The following CANX variants were observed in gnomAD, a reference collection of about 807,000 sequenced individuals.
The protein encoded by CANX is calnexin.
CANX carries 14 observed loss-of-function variants against 75.7 expected under a neutral mutation model. The ratio of observed to expected loss-of-function variants is 0.19; its 90% CI spans 0.12 to 0.29. The LOEUF is 0.29. Ranked by LOEUF, CANX falls within the 10% of genes least tolerant of loss-of-function variation. The probability of loss-of-function intolerance (pLI) is 1.00; values close to 1 mark genes in which losing one functional copy is unlikely to be tolerated. For synonymous variants in CANX, 227 were observed against 236.9 expected (o/e 0.96, Z 0.38); for missense variants, 567 against 713.2 (o/e 0.79, Z 2.34).
At chr5:179,700,014 A>T (rs1776627509) in intron 1 of CANX, among the ~76,000 whole-genome samples, 1 of 152,220 alleles carries the variant, frequency 6.6e-6, no homozygotes, top group South Asian at 2.1e-4. Context: ...ACAATAAGAC[A>T]GGGAAGTCCG....
intron 13 of CANX, among the ~76,000 whole-genome samples, chr5:179,725,646 A>G (rs1007350367): frequency 7.6e-6 from 1 of 132,264 alleles, no homozygotes; most frequent in African/African-American, 2.9e-5. Flanking sequence ...GGGCCACTGC[A>G]CTCCAGCCTG....
Position 179,714,025 on chromosome 5 carries a change from GTCTC to G in CANX, c.722-2074_722-2071del, listed in dbSNP as rs1035303332. Among the ~76,000 whole-genome samples, 4 of 152,128 alleles carry G rather than the reference GTCTC, an allele frequency of 2.6e-5. No homozygotes were observed. The South Asian group carries it at 6.2e-4, about 24-fold the overall frequency. ...TTCTTTTTGTTTTTTTGAGATGGGAGTCTCTCTCTGTTGCCCAGGCTGGAGTGCA... is the reference window on the plus strand; with the variant it reads ...TTCTTTTTGTTTTTTTGAGATGGGAGTCTCTGTTGCCCAGGCTGGAGTGCA... On this transcript the variant is annotated intron_variant, in intron 7 of 14. Transcript: ENST00000247461.
rs148961304 is a variant in CANX at position 179,705,790 on chromosome 5, G to A, written c.109G>A (p.Asp37Asn). 2.9e-5 allele frequency: 47 copies of A among 1,612,288 alleles called. No homozygotes were observed. The highest frequency in any genetic ancestry group is 8.0e-5 in the African/African-American group (6 of 74,872). The change falls in exon 2 of 15, where the codon GAT (aspartate) becomes AAT (asparagine). Residue 37 changes from aspartate to asparagine, a missense_variant. Coordinates refer to ENST00000247461, the MANE Select transcript of CANX (RefSeq NM_001746.4). ...GATTGATATTGAGGATGACCTTGAC[G>A]ATGTCATTGAAGAGGTAGAAGACTC... The part of the protein sequence containing the change: ...DVIDIEDDLD[D>N]VIEEVEDSKP...
upstream of CANX, chr5:179,694,557 A>T (rs1232453209): frequency 4.7e-6 from 4 of 857,022 alleles, no homozygotes; most frequent in African/African-American, 6.6e-5. Context: ...TGTGGCAAAA[A>T]AGCTGGGTGA....
At chr5:179,724,516 G>T in intron 12 of CANX, 141 bp from the exon 13 acceptor site, 1 of 650,754 alleles carries the variant, frequency 1.5e-6, no homozygotes, top group East Asian at 2.7e-5. Context: ...CGCTCTTCAG[G>T]GTAGGAATTA....
In CANX at chr5:179,723,708, C is replaced by G; in HGVS notation, c.1447C>G (p.Leu483Val). 1 of 1,613,710 alleles carries G rather than the reference C, an allele frequency of 6.2e-7. No homozygotes were observed. The highest frequency in any genetic ancestry group is 8.5e-7 in the Non-Finnish European group (1 of 1,179,752). Reference protein sequence around the residue: ...MIEAAEERPWLWVVYILTVAL... With the variant: ...MIEAAEERPWVWVVYILTVAL... ...CGAGGCAGCTGAAGAGCGCCCGTGG[C>G]TGTGGGTAGTCTATATTCTAACTGT... Residue 483 changes from leucine to valine, a missense_variant, in exon 12 of 15, where the codon CTG (leucine) becomes GTG (valine). Physicochemically the swap from Leu to Val is conservative, Grantham distance 32. This residue lies in a region of CANX where 167 missense variants were observed against 179.3 expected (regional missense o/e 0.93). Coordinates refer to ENST00000247461, the MANE Select transcript of CANX (RefSeq NM_001746.4).
At chr5:179,686,880 C>T (rs918013533) in intron 1 of CANX, among the ~76,000 whole-genome samples, 1 of 152,192 alleles carries the variant, frequency 6.6e-6, no homozygotes, top group Non-Finnish European at 1.5e-5. Context: ...AGGGTTCAAG[C>T]AATTCTCCTG....
At chr5:179,681,573 A>G (rs1776065367) in intron 1 of CANX, among the ~76,000 whole-genome samples, 1 of 152,118 alleles carries the variant, frequency 6.6e-6, no homozygotes, top group African/African-American at 2.4e-5. Context: ...GCCTCCTTAA[A>G]GCAAGGGAGC....
chr5:179,698,892 C>T (rs1270667028), upstream of CANX: 7 of 1,152,136 alleles, frequency 6.1e-6, no homozygotes, highest in East Asian at 1.5e-4. Context: ...CGGGACTTGG[C>T]GCCGGCTGTG....
At chr5:179,691,756 CTTT>C (rs1454989329) in intron 1 of CANX, among the ~76,000 whole-genome samples, 1 of 151,880 alleles carries the variant, frequency 6.6e-6, no homozygotes, top group Non-Finnish European at 1.5e-5. Flanking sequence ...TATCTCTCTT[CTTT>C]ATTATTTATT....
chr5:179,713,848 G>A (rs1203023988), intron 7 of CANX, among the ~76,000 whole-genome samples: 1 of 152,142 alleles, frequency 6.6e-6, no homozygotes, highest in Non-Finnish European at 1.5e-5. Flanking sequence ...TCCAGGATTC[G>A]AGATTGCAGT....
intron 10 of CANX, among the ~76,000 whole-genome samples, chr5:179,721,947 T>A (rs893967140): frequency 8.5e-5 from 13 of 152,204 alleles, no homozygotes; most frequent in African/African-American, 2.7e-4. Context: ...GTAAATTTTT[T>A]ATTTTTTTCC....
intron 13 of CANX, 149 bp from the exon 14 acceptor site, chr5:179,726,531 G>A (rs1459419988): frequency 9.5e-6 from 5 of 526,184 alleles, no homozygotes; most frequent in Admixed American, 3.2e-5. Flanking sequence ...AGCCGAGATC[G>A]CGCCACTGCA....
Position 179,716,310 on chromosome 5 carries a change from C to CT in CANX, c.911+17dup. ...CAGATGACTGGTGAGTCTTGGGGAA[C>CT]TGTCTTCAAGTGTAAGGGAGCATTT... is the stretch of plus-strand genomic sequence containing the variant. On this transcript the variant is annotated intron_variant, in intron 8 of 14. Coordinates refer to ENST00000247461, the MANE Select transcript of CANX (RefSeq NM_001746.4). 1.2e-6 allele frequency: 2 copies of CT among 1,602,150 alleles called. No homozygotes were observed. Among genetic ancestry groups the CT allele is most frequent in the Non-Finnish European group, 1.7e-6 (2 of 1,171,394 alleles).
At position 179,714,852 on chromosome 5, in the gene CANX, C is replaced by T. The variant is rs1247235972; in HGVS notation, c.722-1253C>T. Among the ~76,000 whole-genome samples, 2 of 152,002 alleles carry T rather than the reference C, an allele frequency of 1.3e-5. 1 individual carries two copies. The highest frequency in any genetic ancestry group is 3.9e-4 in the East Asian group (2 of 5,186). On this transcript the variant is annotated intron_variant, in intron 7 of 14. Coordinates refer to ENST00000247461, the MANE Select transcript of CANX (RefSeq NM_001746.4). The stretch of plus-strand genomic sequence containing the variant: ...TGAGACAGAAACACTGCAATCTCCA[C>T]CTCCCAGGTTCAAGCGATTCTTGTG...
At chr5:179,706,189 A>ATAGATTC in intron 2 of CANX, 69 bp from the exon 3 acceptor site, 1 of 901,506 alleles carries the variant, frequency 1.1e-6, no homozygotes, top group Non-Finnish European at 1.8e-6. Context: ...AACCAGGAGA[A>ATAGATTC]TAGATTCTAG....
intron 1 of CANX, among the ~76,000 whole-genome samples, chr5:179,686,225 G>A (rs1379067845): frequency 1.3e-5 from 2 of 148,332 alleles, no homozygotes; most frequent in South Asian, 2.2e-4. Flanking sequence ...AGCCTCCTGC[G>A]TAGCTGGGAT....
intron 1 of CANX, among the ~76,000 whole-genome samples, chr5:179,682,846 A>G (rs1372774584): frequency 1.3e-5 from 2 of 152,156 alleles, no homozygotes; most frequent in Admixed American, 6.6e-5. Context: ...GGCCCTTGAC[A>G]TTCTTGCTAA....
chr5:179,723,039 G>T lies in CANX; in HGVS notation c.1398+20G>T. 1 of 1,600,922 alleles carries T rather than the reference G, an allele frequency of 6.2e-7. No individual in the cohort carries two copies. Among genetic ancestry groups the T allele is most frequent in the Non-Finnish European group, 8.6e-7 (1 of 1,168,274 alleles). On this transcript the variant is annotated intron_variant, in intron 11 of 14. Coordinates refer to ENST00000247461, the MANE Select transcript of CANX (RefSeq NM_001746.4). ...GCTGAGGTTCGTGTTTGCTGCTTGT[G>T]CATTTGTGTCTGTTATTGTAAGGAG...
Sources: gnomAD v4.1 joint callset for allele counts (sites outside exome capture counted in the v4.1 genomes callset) on GRCh38, gnomAD v4.1.1 for gene constraint, gnomAD v4.1.1 regional missense constraint, MANE v1.5 for transcripts, NCBI Gene and HGNC (gene_info 2026-07-23, HGNC 2026-07-21) for gene names.